Variants in XYLT1 observed in about 807,000 individuals in gnomAD.
XYLT1 encodes xylosyltransferase 1.
In XYLT1, 36 loss-of-function variants were observed where a neutral mutation model predicts 91.3. The ratio of observed to expected loss-of-function variants is 0.39; its 90% CI spans 0.30 to 0.52. The LOEUF (loss-of-function observed/expected upper bound fraction) is 0.52, where lower values mean the gene tolerates loss of function less well. XYLT1 is among the 20% of genes least tolerant of loss of function. The pLI, the probability that XYLT1 is intolerant of heterozygous loss-of-function variation, is 0.68. For synonymous variants in XYLT1, 588 were observed against 532.0 expected (o/e 1.11, Z -1.45); for missense variants, 1,242 against 1,284.5 (o/e 0.97, Z 0.51).
intron 1 of XYLT1, among the ~76,000 whole-genome samples, chr16:17,394,236 G>A (rs934231994): frequency 6.6e-6 from 1 of 152,210 alleles, no homozygotes; most frequent in Non-Finnish European, 1.5e-5. Flanking sequence ...CAGGGCTCCT[G>A]ATATAGCCCC....
intron 1 of XYLT1, among the ~76,000 whole-genome samples, chr16:17,395,587 A>T (rs912607311): frequency 6.6e-6 from 1 of 152,044 alleles, no homozygotes; most frequent in Non-Finnish European, 1.5e-5. Context: ...CCCTATAAAT[A>T]ATCATAATAA....
chr16:17,308,996 T>TA (rs796464150), intron 2 of XYLT1, among the ~76,000 whole-genome samples: 60 of 140,864 alleles, frequency 4.3e-4, no homozygotes, highest in East Asian at 1.0e-3. Flanking sequence ...AAAATAAAAA[T>TA]AAAAAAAAAA....
chr16:17,375,911 G>C (rs1005227698), intron 1 of XYLT1, among the ~76,000 whole-genome samples: 95 of 152,258 alleles, frequency 6.2e-4, no homozygotes, highest in Non-Finnish European at 6.3e-4. Flanking sequence ...TGTATGTGCA[G>C]GGGGAGGTGG....
chr16:17,395,781 T>C (rs1407216719), intron 1 of XYLT1, among the ~76,000 whole-genome samples: 1 of 152,162 alleles, frequency 6.6e-6, no homozygotes, highest in African/African-American at 2.4e-5. Context: ...GCTTTTCAAA[T>C]CGGAATCAAT....
chr16:17,464,132 G>A (rs2036856821), intron 1 of XYLT1, among the ~76,000 whole-genome samples: 1 of 151,132 alleles, frequency 6.6e-6, no homozygotes, highest in Admixed American at 6.6e-5. Flanking sequence ...GAAGGAATAA[G>A]CTCTAGTGTT....
chr16:17,142,272 A>C (rs2030999337), intron 6 of XYLT1, among the ~76,000 whole-genome samples: 1 of 152,044 alleles, frequency 6.6e-6, no homozygotes, highest in African/African-American at 2.4e-5. Flanking sequence ...CAATCCTCCC[A>C]CCTTGGCCTC....
At chr16:17,448,314 G>A (rs1224909668) in intron 1 of XYLT1, among the ~76,000 whole-genome samples, 3 of 152,294 alleles carry the variant, frequency 2.0e-5, no homozygotes, top group South Asian at 2.1e-4. Context: ...GCAGTGAGCC[G>A]AGATTGCGCC....
intron 1 of XYLT1, among the ~76,000 whole-genome samples, chr16:17,380,735 G>C (rs1025497309): frequency 2.0e-5 from 3 of 152,194 alleles, no homozygotes; most frequent in Non-Finnish European, 4.4e-5. Flanking sequence ...AGCTAAAAGG[G>C]GAAAGCTAGC....
In XYLT1 at chr16:17,233,843, C is replaced by T. The variant is rs111237229; in HGVS notation, c.913+25145G>A. On this transcript the variant is annotated intron_variant, in intron 3 of 11. Coordinates refer to ENST00000261381, the MANE Select transcript of XYLT1 (RefSeq NM_022166.4). ...CCTGGCCCCTTGGGGTATTTTGTGA[C>T]GCTTGCTATAAATACCACCAGTGTA... Among the ~76,000 whole-genome samples the T allele has an allele frequency of 2.6e-5, 4 of 152,214 alleles. No individual in the cohort carries two copies. In the East Asian group the frequency reaches 5.8e-4, roughly 22 times the overall value.
chr16:17,221,916 T>C (rs1234165755), intron 3 of XYLT1, among the ~76,000 whole-genome samples: 2 of 152,182 alleles, frequency 1.3e-5, no homozygotes, highest in South Asian at 4.1e-4. Context: ...CCTGCTCCTA[T>C]GCAGCTTGAG....
At chr16:17,286,678 C>CTCA (rs1259962494) in intron 2 of XYLT1, among the ~76,000 whole-genome samples, 1 of 152,098 alleles carries the variant, frequency 6.6e-6, no homozygotes, top group Non-Finnish European at 1.5e-5. Flanking sequence ...CATCATCATC[C>CTCA]TCATCATCAT....
chr16:17,405,133 G>A (rs1051752721), intron 1 of XYLT1, among the ~76,000 whole-genome samples: 1 of 152,196 alleles, frequency 6.6e-6, no homozygotes, highest in Non-Finnish European at 1.5e-5. Flanking sequence ...TGCAGAGGGG[G>A]CATTTGATAC....
intron 2 of XYLT1, among the ~76,000 whole-genome samples, chr16:17,315,573 A>C (rs145886729): frequency 6.6e-6 from 1 of 152,138 alleles, no homozygotes; most frequent in Non-Finnish European, 1.5e-5. Flanking sequence ...CAGGATGTCT[A>C]TTATTCTAGG....
intron 1 of XYLT1, among the ~76,000 whole-genome samples, chr16:17,398,820 C>T (rs542117642): frequency 4.3e-5 from 3 of 69,092 alleles, no homozygotes; most frequent in African/African-American, 1.7e-4. Context: ...ATGTCCCCGC[C>T]CCCCCCCACT....
At chr16:17,214,334 C>G (rs1232525151) in intron 3 of XYLT1, among the ~76,000 whole-genome samples, 1 of 152,200 alleles carries the variant, frequency 6.6e-6, no homozygotes, top group Non-Finnish European at 1.5e-5. Flanking sequence ...GCTATATAAC[C>G]TCTCAAAGAT....
intron 1 of XYLT1, among the ~76,000 whole-genome samples, chr16:17,443,108 A>G (rs2036551538): frequency 6.6e-6 from 1 of 152,222 alleles, no homozygotes; most frequent in African/African-American, 2.4e-5. Context: ...CTTTTGTAAA[A>G]TAAGTATGAA....
Position 17,452,019 on chromosome 16 carries a change from C to T in XYLT1, c.363+18415G>A, listed in dbSNP as rs75760773. On this transcript the variant is annotated intron_variant, in intron 1 of 11. Transcript: ENST00000261381. ...GGCTAAGTGATAACTTCCCCTAACCCGCCCATCCTAATAACATGAAACCAG... is the reference window on the plus strand; with the variant it reads ...GGCTAAGTGATAACTTCCCCTAACCTGCCCATCCTAATAACATGAAACCAG... Among the ~76,000 whole-genome samples the T allele has an allele frequency of 7.9e-4, 121 of 152,258 alleles. 1 individual carries two copies. In the East Asian group the frequency reaches 0.019, roughly 24 times the overall value.
chr16:17,127,933 G>A, intron 9 of XYLT1, 72 bp from the exon 10 acceptor site: 1 of 1,471,286 alleles, frequency 6.8e-7, no homozygotes, highest in African/African-American at 1.4e-5. Context: ...CACCCACCAA[G>A]CTAGTTTTGT....
At chr16:17,446,749 T>C (rs189570639) in intron 1 of XYLT1, among the ~76,000 whole-genome samples, 4 of 152,196 alleles carry the variant, frequency 2.6e-5, no homozygotes, top group Non-Finnish European at 4.4e-5. Flanking sequence ...TCTGAACTGG[T>C]GAAAGTCTGG....
Sources: gnomAD v4.1 joint callset for allele counts (sites outside exome capture counted in the v4.1 genomes callset) on GRCh38, gnomAD v4.1.1 for gene constraint, MANE v1.5 for transcripts, NCBI Gene and HGNC (gene_info 2026-07-23, HGNC 2026-07-21) for gene names.